MKNK1: variants seen among roughly 807,000 people sequenced by gnomAD.
MKNK1 encodes the protein MAPK interacting serine/threonine kinase 1.
MKNK1 carries 30 observed loss-of-function variants against 49.3 expected under a neutral mutation model. The observed-to-expected ratio is 0.61, with a 90% confidence interval of 0.46 to 0.83. The LOEUF (loss-of-function observed/expected upper bound fraction) is 0.83, where lower values mean the gene tolerates loss of function less well. Among genes scored for constraint, MKNK1 ranks in the 40% least tolerant of loss-of-function variants. The pLI, the probability that MKNK1 is intolerant of heterozygous loss-of-function variation, is 0.00. For synonymous variants in MKNK1, 176 were observed against 201.7 expected, an observed-to-expected ratio of 0.87 and a Z score of 1.08; for missense variants, 423 against 524.7, an observed-to-expected ratio of 0.81 and a Z score of 1.89.
intron 4 of MKNK1, among the ~76,000 whole-genome samples, chr1:46,577,550 C>T (rs1225296166): frequency 6.6e-6 from 1 of 152,090 alleles, no homozygotes; most frequent in Non-Finnish European, 1.5e-5. Context: ...ACCTTTATGA[C>T]AACATCAAAA....
At chr1:46,593,988 A>C in intron 2 of MKNK1, 125 bp downstream of exon 2, 1 of 704,066 alleles carries the variant, frequency 1.4e-6, no homozygotes, top group Non-Finnish European at 2.5e-6. Context: ...CAGCTCCGCT[A>C]TTCCTAGCTA....
intron 7 of MKNK1, among the ~76,000 whole-genome samples, chr1:46,570,847 TACAA>T (rs1258307803): frequency 6.6e-6 from 1 of 152,200 alleles, no homozygotes. Context: ...ACATATACAA[TACAA>T]ACACAAGATA....
rs11312871 is a variant in MKNK1 at position 46,597,300 on chromosome 1, C to CAAA, written c.-170-3023_-170-3021dup. Among the ~76,000 whole-genome samples the CAAA allele has an allele frequency of 5.7e-3, 744 of 130,698 alleles. 6 individuals carry two copies. Among genetic ancestry groups the CAAA allele is most frequent in the East Asian group, 0.034 (150 of 4,468 alleles). 85.7% of individuals were successfully genotyped at this position (130,698 alleles called of 152,430 possible). A position where few individuals can be genotyped will look rare whatever the true frequency, so the allele number is the denominator to read the frequency against. ...TAGACCTTCTACAGACGTTTTAGAGCAAAAAAAAAAAAAAAAATCACCATG... is the reference window on the plus strand; with the variant it reads ...TAGACCTTCTACAGACGTTTTAGAGCAAAAAAAAAAAAAAAAAAAATCACCATG... On this transcript the variant is annotated intron_variant, in intron 1 of 12. Transcript: ENST00000371945.
At chr1:46,565,362 A>G in intron 8 of MKNK1, 1 of 553,736 alleles carries the variant, frequency 1.8e-6, no homozygotes, top group Non-Finnish European at 3.3e-6. Context: ...AAATGGGTGG[A>G]CTATTTGGTG....
chr1:46,595,603 C>T (rs966068402), intron 1 of MKNK1, among the ~76,000 whole-genome samples: 2 of 152,206 alleles, frequency 1.3e-5, no homozygotes, highest in South Asian at 4.1e-4. Context: ...TCTTTAACAT[C>T]CAATAAAGAT....
chr1:46,558,319 T>C lies in MKNK1; in HGVS notation c.*256A>G, dbSNP rs1667332579. On this transcript the variant is annotated 3_prime_UTR_variant, in exon 13 of 13. Coordinates refer to ENST00000371945, the MANE Select transcript of MKNK1 (RefSeq NM_001135553.4). ...CAGGTGGAGCCCAGTGAAGAGATGT[T>C]CCTGCTGCAGGCAATTATGCAAAGT... is the stretch of plus-strand genomic sequence containing the variant. The C allele has an allele frequency of 2.0e-6, 1 of 496,548 alleles. No individual in the cohort carries two copies. The highest frequency in any genetic ancestry group is 3.9e-5 in the Admixed American group (1 of 25,966). 30.8% of individuals were successfully genotyped at this position (496,548 alleles called of 1,614,324 possible). A position where few individuals can be genotyped will look rare whatever the true frequency, so the allele number is the denominator to read the frequency against.
At position 46,561,477 on chromosome 1, in the gene MKNK1, C is replaced by A. The variant is rs2148546901; in HGVS notation, c.969+1G>T. On this transcript the variant is annotated splice_donor_variant, in intron 11 of 12. Transcript: ENST00000371945. LOFTEE classifies it high-confidence loss of function. ...AAACACCCCTCCCTGGAGTCACTCA[C>A]CCCCTGCACCCATGGGTGCTGCAGA... The A allele has an allele frequency of 1.2e-6, 2 of 1,610,370 alleles. No homozygotes were observed. The highest frequency in any genetic ancestry group is 2.2e-5 in the East Asian group (1 of 44,816).
rs530344626 is a variant in MKNK1, at chr1:46,594,241, T to C, written c.-131A>G. On this transcript the variant is annotated 5_prime_UTR_variant, in exon 2 of 13. Transcript: ENST00000371945. The stretch of plus-strand genomic sequence containing the variant: ...TGTCTCAATGGCCTTTGTGCGTAGG[T>C]GGCAATCTTCAGTTCTCCATCGGCC... 1 of 957,640 alleles carries C rather than the reference T, an allele frequency of 1.0e-6. No homozygotes were observed. The highest frequency in any genetic ancestry group is 1.3e-5 in the South Asian group (1 of 77,926). The allele number at this position is 957,640 out of a possible 1,614,324, so 59.3% of individuals were successfully genotyped here.
At chr1:46,602,649 A>AT (rs1475109650) in intron 1 of MKNK1, among the ~76,000 whole-genome samples, 2 of 145,926 alleles carry the variant, frequency 1.4e-5, no homozygotes, top group African/African-American at 2.5e-5. Flanking sequence ...TTTTTTTGCA[A>AT]TTTTTTTAAA....
intron 11 of MKNK1, 118 bp downstream of exon 11, chr1:46,561,360 C>T: frequency 8.6e-7 from 1 of 1,163,766 alleles, no homozygotes; most frequent in East Asian, 2.5e-5. Flanking sequence ...TAGACGCTGT[C>T]CTCTTCAGCT....
chr1:46,579,611 CCT>C (rs1305685290), intron 4 of MKNK1, among the ~76,000 whole-genome samples: 1 of 152,172 alleles, frequency 6.6e-6, no homozygotes, highest in Non-Finnish European at 1.5e-5. Flanking sequence ...TGGGCCCACC[CCT>C]GTTTCTGAGT....
chr1:46,560,218 T>C lies in MKNK1; in HGVS notation c.1013+16A>G, dbSNP rs958111781. 3.7e-6 allele frequency: 6 copies of C among 1,613,106 alleles called. No individual in the cohort carries two copies. The African/African-American group carries it at 8.0e-5, about 22-fold the overall frequency. ...CTTGAGGAAGAGCATGGCGTGGGGGTGGTCAGAGCATTTACCTCTGGAGGA... is the reference window on the plus strand; with the variant it reads ...CTTGAGGAAGAGCATGGCGTGGGGGCGGTCAGAGCATTTACCTCTGGAGGA... On this transcript the variant is annotated intron_variant, in intron 12 of 12. Coordinates refer to ENST00000371945, the MANE Select transcript of MKNK1 (RefSeq NM_001135553.4).
At chr1:46,588,807 C>CA (rs35556956) in intron 2 of MKNK1, among the ~76,000 whole-genome samples, 5,144 of 71,014 alleles carry the variant, frequency 0.072, 114 homozygotes, top group African/African-American at 0.089. Flanking sequence ...GACTCCGTCT[C>CA]AAAAAAAAAA....
At chr1:46,587,285 C>T (rs181885552) in intron 2 of MKNK1, among the ~76,000 whole-genome samples, 2 of 152,246 alleles carry the variant, frequency 1.3e-5, no homozygotes, top group South Asian at 2.1e-4. Flanking sequence ...GGGAACGGCT[C>T]GGCGGTCCAC....
At chr1:46,591,959 G>T (rs1016771309) in intron 2 of MKNK1, among the ~76,000 whole-genome samples, 1 of 152,184 alleles carries the variant, frequency 6.6e-6, no homozygotes, top group Admixed American at 6.5e-5. Flanking sequence ...TTAAAAAAAA[G>T]CTGGGTGTGA....
At chr1:46,602,345 G>A (rs1374569446) in intron 1 of MKNK1, among the ~76,000 whole-genome samples, 2 of 152,208 alleles carry the variant, frequency 1.3e-5, no homozygotes, top group Non-Finnish European at 2.9e-5. Flanking sequence ...CTGGGAAGTG[G>A]AGGTTGCAGT....
chr1:46,578,334 G>A (rs1479390398), intron 4 of MKNK1, among the ~76,000 whole-genome samples: 2 of 152,104 alleles, frequency 1.3e-5, no homozygotes, highest in Non-Finnish European at 2.9e-5. Flanking sequence ...GTTGGGAGAA[G>A]TAGCCCATCT....
intron 1 of MKNK1, among the ~76,000 whole-genome samples, chr1:46,597,931 A>C (rs1195501380): frequency 1.3e-5 from 2 of 152,260 alleles, no homozygotes; most frequent in African/African-American, 2.4e-5. Flanking sequence ...GATCCAAGCA[A>C]TGGAAAACAG....
chr1:46,586,283 A>G, intron 2 of MKNK1: 1 of 293,476 alleles, frequency 3.4e-6, no homozygotes, highest in South Asian at 3.3e-5. Flanking sequence ...AGCCGGCTCG[A>G]TAGTCCCAAC....
Sources: allele counts gnomAD v4.1 joint callset (sites outside exome capture counted in the v4.1 genomes callset), GRCh38; gene constraint gnomAD v4.1.1; transcripts MANE v1.5; gene names NCBI Gene and HGNC (gene_info 2026-07-23, HGNC 2026-07-21).